The following TOGARAM2 variants were observed in gnomAD, a reference collection of about 807,000 sequenced individuals.
TOGARAM2 encodes TOG array regulator of axonemal microtubules protein 2.
A neutral mutation model predicts 93.3 loss-of-function variants in TOGARAM2; 85 were observed. The ratio of observed to expected loss-of-function variants is 0.91; its 90% CI spans 0.76 to 1.09. The LOEUF is 1.09. Ranked by LOEUF, TOGARAM2 falls within the 50% of genes least tolerant of loss-of-function variation. TOGARAM2 has a pLI of 0.00. For synonymous variants in TOGARAM2, 593 were observed against 552.8 expected (o/e 1.07, Z -1.02); for missense variants, 1,277 against 1,334.5 (o/e 0.96, Z 0.67).
In TOGARAM2 at chr2:29,040,127, A is replaced by G. The variant is rs77747391; in HGVS notation, c.2635+3370A>G. ...AAAATGCATCCATGGTGCTCCTCCA[A>G]TATACCAACTGCTTAAAAATATCTC... On this transcript the variant is annotated intron_variant, in intron 18 of 19. Coordinates refer to ENST00000379558, the MANE Select transcript of TOGARAM2 (RefSeq NM_199280.4). 4.3e-3 allele frequency among the ~76,000 whole-genome samples: 651 copies of G among 152,352 alleles called. 1 individual carries two copies. The highest frequency in any genetic ancestry group is 7.4e-3 in the Non-Finnish European group (501 of 68,026).
chr2:29,042,322 G>GAGCTCCCAC (rs1666483759), intron 18 of TOGARAM2, among the ~76,000 whole-genome samples: 1 of 152,248 alleles, frequency 6.6e-6, no homozygotes, highest in Non-Finnish European at 1.5e-5. Context: ...CCTGCAGTGT[G>GAGCTCCCAC]CTGTGCACCG....
chr2:29,002,657 C>G lies in TOGARAM2; in HGVS notation c.549C>G (p.Thr183=), dbSNP rs745358595. Residue 183 remains threonine (T), a synonymous_variant, in exon 5 of 20, where the codon ACC becomes ACG. Coordinates refer to ENST00000379558, the MANE Select transcript of TOGARAM2 (RefSeq NM_199280.4). ...RPMPLIQSIP[T]TPEASGVKEK... is the part of the protein sequence containing the mutation. ...TGCCTCTCATCCAGAGCATCCCTAC[C>G]ACCCCTGAGGCCAGCGGAGTCAAAG... 95 of 1,613,920 alleles carry G rather than the reference C, an allele frequency of 5.9e-5. No homozygotes were observed. Among genetic ancestry groups the G allele is most frequent in the Non-Finnish European group, 7.8e-5 (92 of 1,179,900 alleles).
chr2:29,034,741 T>C (rs931197842), intron 16 of TOGARAM2, among the ~76,000 whole-genome samples: 4 of 152,132 alleles, frequency 2.6e-5, no homozygotes, highest in African/African-American at 9.7e-5. Context: ...TTTTACAATG[T>C]CCCCAGTTGC....
chr2:29,003,606 C>G lies in TOGARAM2; in HGVS notation c.754C>G (p.Arg252Gly). Residue 252 changes from arginine (R) to glycine (G), a missense_variant, in exon 6 of 20, where the codon CGT becomes GGT. Transcript: ENST00000379558. ...KARTVAATPS[R>G]VPGSLPSPLP... ...CAGGACGGTTGCAGCGACCCCCTCC[C>G]GTGTGCCTGGCTCCCTTCCCAGCCC... 6.3e-7 allele frequency: 1 copy of G among 1,594,076 alleles called. No homozygotes were observed. The highest frequency in any genetic ancestry group is 8.5e-7 in the Non-Finnish European group (1 of 1,171,322).
chr2:28,960,105 T>G (rs1183903411), intron 1 of TOGARAM2, among the ~76,000 whole-genome samples: 2 of 152,232 alleles, frequency 1.3e-5, no homozygotes, highest in African/African-American at 4.8e-5. Flanking sequence ...CCGTTGTATA[T>G]GTGGTCCAAC....
At chr2:29,037,819 C>T (rs550919756) in intron 18 of TOGARAM2, among the ~76,000 whole-genome samples, 35 of 152,320 alleles carry the variant, frequency 2.3e-4, no homozygotes, top group East Asian at 7.7e-4. Flanking sequence ...CTCTAAATTA[C>T]GGCTTGTTCT....
chr2:29,020,952 C>T (rs890545772), intron 10 of TOGARAM2, among the ~76,000 whole-genome samples: 3 of 152,064 alleles, frequency 2.0e-5, no homozygotes, highest in South Asian at 2.1e-4. Flanking sequence ...CTCACTCTGT[C>T]GCCCAGGCTG....
At chr2:28,966,414 C>T (rs1041156914) in intron 1 of TOGARAM2, among the ~76,000 whole-genome samples, 3 of 152,086 alleles carry the variant, frequency 2.0e-5, no homozygotes, top group Admixed American at 6.6e-5. Flanking sequence ...TCTCCTGCCT[C>T]AGCCTCCTGA....
chr2:29,005,198 T>G (rs1673629155), intron 6 of TOGARAM2, among the ~76,000 whole-genome samples: 1 of 66,320 alleles, frequency 1.5e-5, no homozygotes, highest in Admixed American at 1.7e-4. Context: ...AGTGTGTGTG[T>G]GCATGTGTGT....
At chr2:28,959,258 A>G (rs1431361939) in intron 1 of TOGARAM2, among the ~76,000 whole-genome samples, 1 of 152,136 alleles carries the variant, frequency 6.6e-6, no homozygotes, top group Admixed American at 6.5e-5. Context: ...TTTCCCCCTC[A>G]TGTCCTTAAA....
chr2:28,963,441 C>G (rs1007711003), intron 1 of TOGARAM2, among the ~76,000 whole-genome samples: 1 of 152,172 alleles, frequency 6.6e-6, no homozygotes, highest in Non-Finnish European at 1.5e-5. Context: ...GTGGTGCCGT[C>G]AGAGTTCACT....
At chr2:28,960,067 G>A (rs750219876) in intron 1 of TOGARAM2, among the ~76,000 whole-genome samples, 6 of 152,186 alleles carry the variant, frequency 3.9e-5, no homozygotes, top group South Asian at 2.1e-4. Flanking sequence ...CAAGTAATAC[G>A]CTATTGTATT....
rs756478810 is a variant in TOGARAM2 at position 29,024,274 on chromosome 2, A to C, written c.1753A>C (p.Asn585His). 1 of 1,613,286 alleles carries C rather than the reference A, an allele frequency of 6.2e-7. No homozygotes were observed. The highest frequency in any genetic ancestry group is 8.5e-7 in the Non-Finnish European group (1 of 1,179,602). Reference sequence around the variant, plus strand: ...CTTGCTGCAGAAGATGGCGGACACCAACGAGTTCATCCAGAGAGCAGCCGG... The same window carrying C: ...CTTGCTGCAGAAGATGGCGGACACCCACGAGTTCATCCAGAGAGCAGCCGG... ...RCLLQKMADT[N>H]EFIQRAAGQS... The change falls in exon 13 of 20, where the codon AAC (asparagine) becomes CAC (histidine). Residue 585 changes from asparagine to histidine, a missense_variant. Coordinates refer to ENST00000379558, the MANE Select transcript of TOGARAM2 (RefSeq NM_199280.4).
intron 6 of TOGARAM2, among the ~76,000 whole-genome samples, chr2:29,006,470 GTATGTGTGAGTGCA>G (rs1663877833): frequency 6.6e-6 from 1 of 151,208 alleles, no homozygotes; most frequent in African/African-American, 2.4e-5. Flanking sequence ...GAGTGCATGT[GTATGTGTGAGTGCA>G]TGTGTGTGGA....
At chr2:29,004,949 T>C (rs56812320) in intron 6 of TOGARAM2, among the ~76,000 whole-genome samples, 2 of 136,160 alleles carry the variant, frequency 1.5e-5, no homozygotes, top group African/African-American at 6.2e-5. Context: ...TGTGCATGTG[T>C]GTGCATGTGT....
intron 1 of TOGARAM2, among the ~76,000 whole-genome samples, chr2:28,974,088 C>T (rs1486704063): frequency 5.5e-5 from 8 of 145,894 alleles, no homozygotes; most frequent in Non-Finnish European, 1.2e-4. Flanking sequence ...AAGACTTTCT[C>T]TTTGTCTTTA....
intron 1 of TOGARAM2, among the ~76,000 whole-genome samples, chr2:28,961,601 A>C (rs1315491864): frequency 6.6e-6 from 1 of 152,216 alleles, no homozygotes; most frequent in Non-Finnish European, 1.5e-5. Context: ...TTGGCCTCCC[A>C]AAGTGCTGGG....
intron 17 of TOGARAM2, among the ~76,000 whole-genome samples, 173 bp from the exon 18 acceptor site, chr2:29,036,368 C>G (rs762657331): frequency 1.3e-5 from 2 of 152,146 alleles, no homozygotes; most frequent in Non-Finnish European, 2.9e-5. Context: ...CTCTTCCCAC[C>G]CTTTTGAGGT....
chr2:28,978,059 A>G (rs1335852138), upstream of TOGARAM2, among the ~76,000 whole-genome samples: 1 of 152,132 alleles, frequency 6.6e-6, no homozygotes, highest in African/African-American at 2.4e-5. Flanking sequence ...GGCATGCGCC[A>G]CCATGCCCAG....
Sources: allele counts gnomAD v4.1 joint callset (sites outside exome capture counted in the v4.1 genomes callset), GRCh38; gene constraint gnomAD v4.1.1; transcripts MANE v1.5; gene names NCBI Gene and HGNC (gene_info 2026-07-23, HGNC 2026-07-21).